Variants in EBF1 observed in about 807,000 individuals in gnomAD.
The protein encoded by EBF1 is transcription factor COE1.
Under a neutral mutation model 68.4 loss-of-function variants are expected in EBF1, and 10 were observed. That is an observed-to-expected ratio of 0.15 (90% confidence interval 0.09 to 0.25). The LOEUF (loss-of-function observed/expected upper bound fraction) is 0.25, where lower values mean the gene tolerates loss of function less well. Ranked by LOEUF, EBF1 falls within the 10% of genes least tolerant of loss-of-function variation. The pLI, the probability that EBF1 is intolerant of heterozygous loss-of-function variation, is 1.00. For synonymous variants in EBF1, 298 were observed against 299.8 expected, an observed-to-expected ratio of 0.99 and a Z score of 0.06; for missense variants, 509 against 794.4, an observed-to-expected ratio of 0.64 and a Z score of 4.32.
In EBF1 at chr5:158,927,392, C is replaced by T. The variant is rs1352011770; in HGVS notation, c.555-87282G>A. 8.5e-5 allele frequency among the ~76,000 whole-genome samples: 13 copies of T among 152,328 alleles called. No individual in the cohort carries two copies. In the South Asian group the frequency reaches 1.7e-3, roughly 19 times the overall value. On this transcript the variant is annotated intron_variant, in intron 6 of 15. Coordinates refer to ENST00000313708, the MANE Select transcript of EBF1 (RefSeq NM_024007.5). ...CATGAACCACTGCTTTGTTCTTCTT[C>T]TTGTGTCCCGGAGCCCCAAACAGTG...
intron 10 of EBF1, among the ~76,000 whole-genome samples, chr5:158,747,506 G>C (rs1272334945): frequency 6.6e-6 from 1 of 152,020 alleles, no homozygotes; most frequent in Non-Finnish European, 1.5e-5. Context: ...TCCTATTACT[G>C]CTGGCCATTT....
intron 11 of EBF1, among the ~76,000 whole-genome samples, chr5:158,728,381 G>A (rs763656192): frequency 2.6e-5 from 4 of 152,180 alleles, no homozygotes; most frequent in African/African-American, 9.7e-5. Flanking sequence ...TTTACCATCA[G>A]GGACAAAGTG....
At chr5:158,975,885 C>T (rs755798460) in intron 6 of EBF1, among the ~76,000 whole-genome samples, 5 of 152,208 alleles carry the variant, frequency 3.3e-5, no homozygotes, top group African/African-American at 4.8e-5. Flanking sequence ...ACAGCAAGCA[C>T]GCCCCCATCC....
chr5:159,092,611 T>A (rs1455809342), intron 4 of EBF1, among the ~76,000 whole-genome samples: 1 of 152,244 alleles, frequency 6.6e-6, no homozygotes, highest in East Asian at 1.9e-4. Context: ...GAACAGTTTA[T>A]GGAAATGTAG....
At chr5:159,061,360 C>T (rs1038248257) in intron 6 of EBF1, among the ~76,000 whole-genome samples, 10 of 151,580 alleles carry the variant, frequency 6.6e-5, no homozygotes, top group African/African-American at 2.4e-4. Context: ...CCATCTATGA[C>T]TGCACACTTT....
chr5:158,846,291 C>G (rs1480703882), intron 6 of EBF1, among the ~76,000 whole-genome samples: 1 of 152,194 alleles, frequency 6.6e-6, no homozygotes, highest in Non-Finnish European at 1.5e-5. Context: ...TTAAAAGGAC[C>G]TCTTTGGAAA....
At chr5:158,940,825 C>CAGAGGACACTTCCTGGTGGACT (rs1813185705) in intron 6 of EBF1, among the ~76,000 whole-genome samples, 1 of 137,200 alleles carries the variant, frequency 7.3e-6, no homozygotes, top group African/African-American at 2.7e-5. Flanking sequence ...GAATCCCCAA[C>CAGAGGACACTTCCTGGTGGACT]AGAGGACACT....
At chr5:158,713,814 A>C (rs951893169) in intron 12 of EBF1, among the ~76,000 whole-genome samples, 1 of 152,156 alleles carries the variant, frequency 6.6e-6, no homozygotes, top group Non-Finnish European at 1.5e-5. Flanking sequence ...TTGCTTGAAA[A>C]CCTGAGAGAA....
Position 158,844,641 on chromosome 5 carries a change from G to A in EBF1, c.555-4531C>T, listed in dbSNP as rs140628812. Among the ~76,000 whole-genome samples, 167 of 152,318 alleles carry A rather than the reference G, an allele frequency of 1.1e-3. 1 individual carries two copies. The highest frequency in any genetic ancestry group is 3.8e-3 in the African/African-American group (157 of 41,566). On this transcript the variant is annotated intron_variant, in intron 6 of 15. Transcript: ENST00000313708. Reference sequence around the variant, plus strand: ...GCTGGAACTATAATCCATATGTCCTGATGTCTAGTTATATAATTTTCCCAA... The same window carrying A: ...GCTGGAACTATAATCCATATGTCCTAATGTCTAGTTATATAATTTTCCCAA...
chr5:158,803,172 A>G (rs986923600), intron 8 of EBF1, among the ~76,000 whole-genome samples: 1 of 152,204 alleles, frequency 6.6e-6, no homozygotes, highest in African/African-American at 2.4e-5. Context: ...AGCTCAGCTC[A>G]TTTCTACGGG....
Position 158,899,704 on chromosome 5 carries a change from A to G in EBF1, c.555-59594T>C, listed in dbSNP as rs150724962. Among the ~76,000 whole-genome samples, 1,176 of 151,884 alleles carry G rather than the reference A, an allele frequency of 7.7e-3. 9 individuals are homozygous for G. Among genetic ancestry groups the G allele is most frequent in the Middle Eastern group, 0.031 (9 of 294 alleles). On this transcript the variant is annotated intron_variant, in intron 6 of 15. Coordinates refer to ENST00000313708, the MANE Select transcript of EBF1 (RefSeq NM_024007.5). ...CAGAAGATGGCAGCTCCCACTGACAACTACACAGCCAAGCCTCTTCATCCA... is the reference window on the plus strand; with the variant it reads ...CAGAAGATGGCAGCTCCCACTGACAGCTACACAGCCAAGCCTCTTCATCCA...
chr5:158,881,636 T>C (rs552675035), intron 6 of EBF1, among the ~76,000 whole-genome samples: 11 of 152,328 alleles, frequency 7.2e-5, no homozygotes, highest in Middle Eastern at 3.4e-3. Flanking sequence ...GAAGTCAGCA[T>C]AGAGAAGTCT....
At chr5:158,933,359 G>A (rs374217236) in intron 6 of EBF1, among the ~76,000 whole-genome samples, 8 of 152,272 alleles carry the variant, frequency 5.3e-5, no homozygotes, top group Non-Finnish European at 7.4e-5. Context: ...TGAAGACACC[G>A]AAAGAGGTGC....
At chr5:158,822,732 G>T (rs959307580) in intron 8 of EBF1, among the ~76,000 whole-genome samples, 5 of 152,186 alleles carry the variant, frequency 3.3e-5, no homozygotes, top group Non-Finnish European at 7.3e-5. Context: ...CACCAGGAGG[G>T]TGGTAAAGAG....
chr5:158,721,854 G>A (rs192997243), intron 11 of EBF1, among the ~76,000 whole-genome samples: 56 of 151,516 alleles, frequency 3.7e-4, no homozygotes, highest in African/African-American at 1.4e-3. Context: ...AGTATAAATT[G>A]TGAAACCAGG....
intron 12 of EBF1, 136 bp downstream of exon 12, chr5:158,713,981 T>C: frequency 1.2e-6 from 1 of 820,154 alleles, no homozygotes; most frequent in South Asian, 1.9e-5. Flanking sequence ...TTGCAACATG[T>C]TATATCTGAA....
chr5:158,872,263 C>T (rs554771264), intron 6 of EBF1, among the ~76,000 whole-genome samples: 49 of 151,680 alleles, frequency 3.2e-4, no homozygotes, highest in Middle Eastern at 3.4e-3. Context: ...GCGGCATGAT[C>T]TCAGCTCACT....
At chr5:159,035,433 GGTTAA>G (rs1769838755) in intron 6 of EBF1, among the ~76,000 whole-genome samples, 1 of 152,140 alleles carries the variant, frequency 6.6e-6, no homozygotes, top group Non-Finnish European at 1.5e-5. Context: ...TGATACCAAA[GGTTAA>G]GTTATCAGCA....
At chr5:158,887,208 C>T (rs552199261) in intron 6 of EBF1, among the ~76,000 whole-genome samples, 1 of 152,232 alleles carries the variant, frequency 6.6e-6, no homozygotes, top group East Asian at 1.9e-4. Context: ...ACATATAGGA[C>T]CATATGTCTC....
Sources: allele counts gnomAD v4.1 joint callset (sites outside exome capture counted in the v4.1 genomes callset), GRCh38; gene constraint gnomAD v4.1.1; transcripts MANE v1.5; gene names NCBI Gene and HGNC (gene_info 2026-07-23, HGNC 2026-07-21).